SLC9A7: variants seen among roughly 807,000 people sequenced by gnomAD.
SLC9A7 encodes solute carrier family 9 member A7, also known as sodium/hydrogen exchanger 7.
Under a neutral mutation model 52.6 loss-of-function variants are expected in SLC9A7, and 19 were observed. That is an observed-to-expected ratio of 0.36 (90% CI 0.25 to 0.53). The LOEUF (loss-of-function observed/expected upper bound fraction) is 0.53. Ranked by LOEUF, SLC9A7 falls within the 20% of genes least tolerant of loss-of-function variation. The pLI, the probability that SLC9A7 is intolerant of heterozygous loss-of-function variation, is 0.91. For missense variants in SLC9A7, 455 were observed against 597.9 expected, an observed-to-expected ratio of 0.76 and a Z score of 2.49; for synonymous variants, 226 against 252.1, an observed-to-expected ratio of 0.90 and a Z score of 0.98.
At chrX:46,720,385 T>C (rs1944840353) in intron 1 of SLC9A7, among the ~76,000 whole-genome samples, 1 of 110,562 alleles carries the variant, frequency 9.0e-6, no homozygotes, top group Non-Finnish European at 1.9e-5. Context: ...CTTCTCCTTA[T>C]TATCATTACT....
chrX:46,729,267 A>G (rs962645560), intron 1 of SLC9A7, among the ~76,000 whole-genome samples: 7 of 112,596 alleles, frequency 6.2e-5, no homozygotes, highest in Non-Finnish European at 1.3e-4. Flanking sequence ...TTAAGCCAAT[A>G]AATACCTAAA....
intron 1 of SLC9A7, among the ~76,000 whole-genome samples, chrX:46,742,688 T>C (rs1921446736): frequency 8.9e-6 from 1 of 112,208 alleles, no homozygotes; most frequent in Non-Finnish European, 1.9e-5. Flanking sequence ...TATCTATATG[T>C]TAAAATTCAT....
intron 1 of SLC9A7, among the ~76,000 whole-genome samples, chrX:46,686,261 A>C (rs761855523): frequency 2.1e-4 from 23 of 111,903 alleles, no homozygotes; most frequent in African/African-American, 6.2e-4. Context: ...GCAACACAAA[A>C]CACCACAGCA....
At chrX:46,651,685 C>T (rs1220649038) in intron 8 of SLC9A7, among the ~76,000 whole-genome samples, 2 of 109,392 alleles carry the variant, frequency 1.8e-5, no homozygotes, top group South Asian at 4.0e-4. Context: ...AAAAATTAGC[C>T]GGATGTGGTG....
rs1485088904 is a variant in SLC9A7, at chrX:46,613,143, T to C, written c.1929+146A>G. The C allele has an allele frequency of 2.9e-5, 10 of 349,116 alleles. No homozygotes were observed. The East Asian group carries it at 4.3e-4, about 15-fold the overall frequency. The allele number at this position is 349,116 out of a possible 1,213,427, so 28.8% of individuals were successfully genotyped here. On this transcript the variant is annotated intron_variant, in intron 16 of 16. Coordinates refer to ENST00000616978, the MANE Select transcript of SLC9A7 (RefSeq NM_001257291.2). The stretch of plus-strand genomic sequence containing the variant: ...TGTTACTATGCGAAATCTATAAACA[T>C]ATGGAAGATGGCCATTTCTAATCAG...
In SLC9A7 at chrX:46,613,339, C is replaced by T. The variant is rs762448444; in HGVS notation, c.1879G>A (p.Ala627Thr). 15 of 1,206,142 alleles carry T rather than the reference C, an allele frequency of 1.2e-5. No homozygotes were observed. The highest frequency in any genetic ancestry group is 3.0e-5 in the East Asian group (1 of 33,687). ...CATCGAGCTAGTAAGCCACACCAGG[C>T]GGGGAGCGTGGTGGTTAGTGGGGGA... ...SGPPLTTTLP[A>T]WCGLLARCLT... The change falls in exon 16 of 17, where the codon GCC becomes ACC. Residue 627 changes from alanine (A) to threonine (T), a missense_variant. Transcript: ENST00000616978.
Position 46,609,797 on chromosome X carries a change from G to A in SLC9A7, c.1930-2594C>T, listed in dbSNP as rs771913871. Among the ~76,000 whole-genome samples the A allele has an allele frequency of 1.3e-4, 14 of 110,868 alleles. No homozygotes were observed. The South Asian group carries it at 1.5e-3, about 12-fold the overall frequency. ...AATCCCAGTACTTTGGGAAGCCGAGGCGAGCGGATCACTTGAGGTCAGGAA... is the reference window on the plus strand; with the variant it reads ...AATCCCAGTACTTTGGGAAGCCGAGACGAGCGGATCACTTGAGGTCAGGAA... On this transcript the variant is annotated intron_variant, in intron 16 of 16. Transcript: ENST00000616978.
At chrX:46,645,618 C>CT (rs34064206) in intron 11 of SLC9A7, among the ~76,000 whole-genome samples, 3,111 of 77,983 alleles carry the variant, frequency 0.04, 93 homozygotes, top group East Asian at 0.14. Flanking sequence ...TCCCCACTCC[C>CT]TTTTTTTTTT....
intron 1 of SLC9A7, among the ~76,000 whole-genome samples, chrX:46,704,073 G>A (rs968571650): frequency 1.8e-4 from 20 of 111,157 alleles, no homozygotes; most frequent in African/African-American, 5.9e-4. Flanking sequence ...CATTCTTGGC[G>A]CACACTGTCC....
intron 3 of SLC9A7, among the ~76,000 whole-genome samples, chrX:46,676,824 T>G (rs1339637429): frequency 1.8e-5 from 2 of 111,465 alleles, no homozygotes; most frequent in African/African-American, 6.5e-5. Context: ...ATAGTCTTTT[T>G]TGTACAGAAA....
chrX:46,712,735 C>T (rs1280177787), intron 1 of SLC9A7, among the ~76,000 whole-genome samples: 1 of 112,010 alleles, frequency 8.9e-6, no homozygotes, highest in Non-Finnish European at 1.9e-5. Context: ...TATTAATATG[C>T]CACAGTTTAT....
intron 3 of SLC9A7, among the ~76,000 whole-genome samples, chrX:46,673,052 G>A (rs182322529): frequency 1.8e-5 from 2 of 111,873 alleles, no homozygotes; most frequent in East Asian, 5.6e-4. Flanking sequence ...AACAAATAAA[G>A]TGTGAAGGTG....
chrX:46,732,148 C>G (rs2146980941), intron 1 of SLC9A7, among the ~76,000 whole-genome samples: 1 of 111,421 alleles, frequency 9.0e-6, no homozygotes, highest in African/African-American at 3.3e-5. Flanking sequence ...ATCACTTGAA[C>G]CCAGAAGGCA....
At position 46,643,331 on chromosome X, in the gene SLC9A7, G is replaced by T; in HGVS notation, c.1521C>A (p.Arg507=). The T allele has an allele frequency of 8.3e-7, 1 of 1,210,869 alleles. No individual in the cohort carries two copies. The highest frequency in any genetic ancestry group is 1.8e-5 in the South Asian group (1 of 56,873). ...LAIRDTASYA[R]QMMFTTTLLI... ...GAAGGGTGGTCGTGAACATCATCTGGCGAGCATAGGATGCCGTGTCACGGA... is the reference window on the plus strand; with the variant it reads ...GAAGGGTGGTCGTGAACATCATCTGTCGAGCATAGGATGCCGTGTCACGGA... Residue 507 remains arginine (R), a synonymous_variant, in exon 12 of 17, where the codon CGC becomes CGA. Coordinates refer to ENST00000616978, the MANE Select transcript of SLC9A7 (RefSeq NM_001257291.2).
At chrX:46,656,897 A>G (rs1466398403) in intron 7 of SLC9A7, among the ~76,000 whole-genome samples, 3 of 103,840 alleles carry the variant, frequency 2.9e-5, no homozygotes, top group Non-Finnish European at 5.9e-5. Flanking sequence ...CCTCGAGAAG[A>G]GCAACTCCAA....
chrX:46,709,297 C>G, intron 1 of SLC9A7, among the ~76,000 whole-genome samples: 1 of 110,894 alleles, frequency 9.0e-6, no homozygotes, highest in Middle Eastern at 4.6e-3. Context: ...GTCCCAGCTA[C>G]TCAGGAGGCT....
chrX:46,633,375 A>AAAAAAAC (rs1458259191), intron 13 of SLC9A7, among the ~76,000 whole-genome samples: 3 of 98,811 alleles, frequency 3.0e-5, no homozygotes, highest in Admixed American at 1.1e-4. Context: ...AAAAAAAAAA[A>AAAAAAAC]AAAAAACAGA....
chrX:46,621,083 T>C (rs778631859), intron 14 of SLC9A7, 24 bp from the exon 15 acceptor site: 2 of 1,071,375 alleles, frequency 1.9e-6, no homozygotes, highest in Non-Finnish European at 2.6e-6. Context: ...AGAGGGCACA[T>C]GCTTAGTTGT....
intron 15 of SLC9A7, among the ~76,000 whole-genome samples, chrX:46,614,942 C>A (rs1602134554): frequency 8.9e-6 from 1 of 112,566 alleles, no homozygotes; most frequent in Non-Finnish European, 1.9e-5. Flanking sequence ...AAGAGAAAAG[C>A]AGCTCTCTCT....
Sources: allele counts gnomAD v4.1 joint callset (sites outside exome capture counted in the v4.1 genomes callset), GRCh38; gene constraint gnomAD v4.1.1; transcripts MANE v1.5; gene names NCBI Gene and HGNC (gene_info 2026-07-23, HGNC 2026-07-21).